ROR1: variants seen among roughly 807,000 people sequenced by gnomAD.
ROR1 encodes inactive tyrosine-protein kinase transmembrane receptor ROR1.
ROR1 carries 19 observed loss-of-function variants against 78.8 expected under a neutral mutation model. The observed-to-expected ratio is 0.24, with a 90% CI of 0.17 to 0.35. The LOEUF (loss-of-function observed/expected upper bound fraction) is 0.35. Among genes scored for constraint, ROR1 ranks in the 10% least tolerant of loss-of-function variants. ROR1 has a pLI of 1.00. For missense variants in ROR1, 917 were observed against 1,177.8 expected, an observed-to-expected ratio of 0.78 and a Z score of 3.24; for synonymous variants, 386 against 433.6, an observed-to-expected ratio of 0.89 and a Z score of 1.36.
chr1:63,792,076 A>G (rs1446996895), intron 1 of ROR1, among the ~76,000 whole-genome samples: 2 of 152,102 alleles, frequency 1.3e-5, no homozygotes, highest in East Asian at 3.9e-4. Context: ...GAGCTTGTAA[A>G]GGAGGTGGGG....
chr1:63,985,696 C>T (rs1194107441), intron 1 of ROR1, among the ~76,000 whole-genome samples: 1 of 151,666 alleles, frequency 6.6e-6, no homozygotes, highest in African/African-American at 2.4e-5. Context: ...CTCTGGGCAA[C>T]ACAGAAAGAC....
intron 8 of ROR1, among the ~76,000 whole-genome samples, chr1:64,174,231 A>T (rs550261000): frequency 6.6e-6 from 1 of 152,308 alleles, no homozygotes; most frequent in East Asian, 1.9e-4. Context: ...GTTCATAGAT[A>T]TGGAAACAGA....
At chr1:63,779,627 A>G (rs1453801533) in intron 1 of ROR1, among the ~76,000 whole-genome samples, 1 of 152,228 alleles carries the variant, frequency 6.6e-6, no homozygotes, top group East Asian at 1.9e-4. Context: ...GCTAACGAAT[A>G]CAAAATAAAA....
chr1:63,889,205 T>A (rs1308699452), intron 1 of ROR1, among the ~76,000 whole-genome samples: 1 of 152,044 alleles, frequency 6.6e-6, no homozygotes, highest in East Asian at 1.9e-4. Context: ...CAGTCTTTTA[T>A]AACCTAATTT....
chr1:64,154,148 T>C (rs1320191417), intron 7 of ROR1, among the ~76,000 whole-genome samples: 1 of 152,206 alleles, frequency 6.6e-6, no homozygotes, highest in Non-Finnish European at 1.5e-5. Flanking sequence ...AAAGAATTCA[T>C]TTGAGAATAC....
intron 1 of ROR1, among the ~76,000 whole-genome samples, chr1:63,783,487 G>T (rs1644665835): frequency 6.6e-6 from 1 of 152,092 alleles, no homozygotes; most frequent in African/African-American, 2.4e-5. Context: ...AGTTCTTTAA[G>T]CGATTTAACT....
At chr1:64,055,861 A>T (rs1414805561) in intron 4 of ROR1, among the ~76,000 whole-genome samples, 1 of 152,220 alleles carries the variant, frequency 6.6e-6, no homozygotes, top group Non-Finnish European at 1.5e-5. Flanking sequence ...CAGCTATAGT[A>T]GCTTCTAATT....
intron 1 of ROR1, among the ~76,000 whole-genome samples, chr1:63,844,935 C>G (rs1486100944): frequency 6.6e-6 from 1 of 152,084 alleles, no homozygotes; most frequent in Non-Finnish European, 1.5e-5. Flanking sequence ...ATTAAATTGT[C>G]TCTGCAGCAG....
intron 1 of ROR1, chr1:63,843,602 C>T: frequency 4.5e-6 from 3 of 667,204 alleles, no homozygotes; most frequent in South Asian, 2.7e-5. Flanking sequence ...TGAGCTTCTT[C>T]ACCTCCTCTG....
At chr1:63,990,360 C>T (rs1646285360) in intron 1 of ROR1, among the ~76,000 whole-genome samples, 1 of 151,834 alleles carries the variant, frequency 6.6e-6, no homozygotes, top group Admixed American at 6.6e-5. Flanking sequence ...TCCACCCCAC[C>T]CTGTCCTGTA....
intron 1 of ROR1, among the ~76,000 whole-genome samples, chr1:63,840,192 A>G (rs759821599): frequency 2.6e-5 from 4 of 152,016 alleles, no homozygotes; most frequent in Non-Finnish European, 5.9e-5. Flanking sequence ...GTTTGGTATG[A>G]AGCATTAAAT....
At chr1:64,112,318 A>G (rs1047802740) in intron 4 of ROR1, 3 of 152,122 alleles carry the variant, frequency 2.0e-5, no homozygotes, top group Non-Finnish European at 2.9e-5. Context: ...TCAGATCCTC[A>G]TCATAACCAC....
At chr1:63,927,678 C>G (rs186967605) in intron 1 of ROR1, among the ~76,000 whole-genome samples, 1 of 152,164 alleles carries the variant, frequency 6.6e-6, no homozygotes, top group Non-Finnish European at 1.5e-5. Flanking sequence ...TGTTCATATT[C>G]ACACCACTAG....
chr1:64,069,542 A>C (rs916028149), intron 4 of ROR1, among the ~76,000 whole-genome samples: 3 of 137,404 alleles, frequency 2.2e-5, no homozygotes, highest in Non-Finnish European at 4.6e-5. Flanking sequence ...GTGTGTGTAC[A>C]CGTGTTCATG....
intron 7 of ROR1, among the ~76,000 whole-genome samples, chr1:64,150,456 C>T (rs549707358): frequency 3.3e-5 from 5 of 152,330 alleles, no homozygotes; most frequent in South Asian, 2.1e-4. Flanking sequence ...TATTCTGCAA[C>T]GTGGTGGTTT....
intron 1 of ROR1, among the ~76,000 whole-genome samples, chr1:63,829,259 T>C (rs566551561): frequency 1.4e-4 from 21 of 152,382 alleles, no homozygotes; most frequent in African/African-American, 5.0e-4. Context: ...GAAAGCTCTT[T>C]TATGCTATGT....
chr1:64,142,957 T>C (rs1188080087), intron 7 of ROR1: 1 of 1,164,582 alleles, frequency 8.6e-7, no homozygotes, highest in Non-Finnish European at 1.1e-6. Context: ...GAAAAAGATG[T>C]TACCCAGAAT....
chr1:64,062,783 A>C (rs1186217687), intron 4 of ROR1, among the ~76,000 whole-genome samples: 5 of 152,336 alleles, frequency 3.3e-5, no homozygotes, highest in Admixed American at 3.3e-4. Flanking sequence ...ACTGAACCTC[A>C]CAACAAACAT....
At chr1:63,986,895 A>G (rs889451405) in intron 1 of ROR1, among the ~76,000 whole-genome samples, 1 of 151,950 alleles carries the variant, frequency 6.6e-6, no homozygotes, top group Non-Finnish European at 1.5e-5. Flanking sequence ...CTGTCTCAAA[A>G]AAAAAAAAGA....
Sources: gnomAD v4.1 joint callset for allele counts (sites outside exome capture counted in the v4.1 genomes callset) on GRCh38, gnomAD v4.1.1 for gene constraint, MANE v1.5 for transcripts, NCBI Gene and HGNC (gene_info 2026-07-23, HGNC 2026-07-21) for gene names.